CNPPD1: variants seen among roughly 807,000 people sequenced by gnomAD.
CNPPD1 encodes protein CNPPD1.
CNPPD1 carries 40 observed loss-of-function variants against 43.7 expected under a neutral mutation model. That is an observed-to-expected ratio of 0.92 (90% CI 0.71 to 1.19). The LOEUF (loss-of-function observed/expected upper bound fraction) is 1.19. Among genes scored for constraint, CNPPD1 ranks in the 50% most tolerant of loss-of-function variants. CNPPD1 has a pLI of 0.00. For missense variants in CNPPD1, 511 were observed against 518.5 expected, an observed-to-expected ratio of 0.99 and a Z score of 0.14; for synonymous variants, 208 against 214.3, an observed-to-expected ratio of 0.97 and a Z score of 0.26.
At chr2:219,176,521 AC>A (rs1950164834) in intron 1 of CNPPD1, 190 bp from the exon 2 acceptor site, 2 of 623,002 alleles carry the variant, frequency 3.2e-6, no homozygotes, top group Non-Finnish European at 5.6e-6. Context: ...GAATGCCCCC[AC>A]CCCCATCGAG....
At position 219,172,291 on chromosome 2, in the gene CNPPD1, T is replaced by C. The variant is rs959207029; in HGVS notation, c.*295A>G. On this transcript the variant is annotated 3_prime_UTR_variant, in exon 8 of 8. Transcript: ENST00000360507. The stretch of plus-strand genomic sequence containing the variant: ...ATCCTAGGGAAATCAAAAGTAAAAG[T>C]CTAAAAAATCCCAGGGAGGCAGAGA... The C allele has an allele frequency of 3.0e-5, 14 of 466,596 alleles. No individual in the cohort carries two copies. Among genetic ancestry groups the C allele is most frequent in the Non-Finnish European group, 4.7e-5 (12 of 257,828 alleles). 28.9% of individuals were successfully genotyped at this position (466,596 alleles called of 1,614,324 possible). A position where few individuals can be genotyped will look rare whatever the true frequency, so the allele number is the denominator to read the frequency against.
At chr2:219,176,712 G>A (rs774430770) in intron 1 of CNPPD1, 48 bp downstream of exon 1, 1 of 1,337,254 alleles carries the variant, frequency 7.5e-7, no homozygotes, top group Non-Finnish European at 1.0e-6. Flanking sequence ...CGCTCAGGCC[G>A]GGAGGGGCGC....
rs778519106 is a variant in CNPPD1 at position 219,172,710 on chromosome 2, G to C, written c.1109C>G (p.Thr370Ser). Residue 370 changes from threonine to serine, a missense_variant, in exon 8 of 8, where the codon ACC becomes AGC. By Grantham distance (58) the Thr-to-Ser change is moderately conservative (BLOSUM62 1). Coordinates refer to ENST00000360507, the MANE Select transcript of CNPPD1 (RefSeq NM_015680.6). ...PTALSSPWYH[T>S]YGLAPPWPWS... is the part of the protein sequence containing the mutation. ...AGGCCAGGGGGGAGCCAGGCCATAG[G>C]TATGGTACCAGGGGCTGGACAGCGC... The C allele has an allele frequency of 6.2e-7, 1 of 1,613,988 alleles. No individual in the cohort carries two copies. Among genetic ancestry groups the C allele is most frequent in the East Asian group, 2.2e-5 (1 of 44,890 alleles).
chr2:219,172,415 T>C lies in CNPPD1; in HGVS notation c.*171A>G. 2 of 724,086 alleles carry C rather than the reference T, an allele frequency of 2.8e-6. No individual in the cohort carries two copies. The highest frequency in any genetic ancestry group is 4.7e-6 in the Non-Finnish European group (2 of 423,988). The allele number at this position is 724,086 out of a possible 1,614,324, so 44.9% of individuals were successfully genotyped here. A position where few individuals can be genotyped will look rare whatever the true frequency, so the allele number is the denominator to read the frequency against. On this transcript the variant is annotated 3_prime_UTR_variant, in exon 8 of 8. Transcript: ENST00000360507. Reference sequence around the variant, plus strand: ...GGCCAAGCAGCCAGCCACTGCGATCTAGGAGTGAATTACCTTCAGTCCTTC... The same window carrying C: ...GGCCAAGCAGCCAGCCACTGCGATCCAGGAGTGAATTACCTTCAGTCCTTC...
rs1950077096 is a variant in CNPPD1 at position 219,171,912 on chromosome 2, T to TAA, written c.*673_*674insTT. 1 of 152,578 alleles carries TAA rather than the reference T, an allele frequency of 6.6e-6. No homozygotes were observed. Among genetic ancestry groups the TAA allele is most frequent in the Non-Finnish European group, 1.5e-5 (1 of 68,126 alleles). 9.5% of individuals were successfully genotyped at this position (152,578 alleles called of 1,614,324 possible). ...GTCCAGGCCATGCAACTGAAACTGT[T>TAA]TATTGAAACCTCAGTTCTACAAAAG... is the stretch of plus-strand genomic sequence containing the variant. On this transcript the variant is annotated 3_prime_UTR_variant, in exon 8 of 8. Coordinates refer to ENST00000360507, the MANE Select transcript of CNPPD1 (RefSeq NM_015680.6).
At chr2:219,173,540 C>A in intron 6 of CNPPD1, 73 bp from the exon 7 acceptor site, 1 of 1,262,550 alleles carries the variant, frequency 7.9e-7, no homozygotes, top group South Asian at 1.3e-5. Flanking sequence ...TCATACCACT[C>A]AGGACCCACC....
rs1950106923 is a variant in CNPPD1 at position 219,173,375 on chromosome 2, C to G, written c.665G>C (p.Gly222Ala). ...LEQPTWQLAL[G>A]SLCQRLVKLS... ...CTTTACCAGCCGCTGGCAGAGGGAGCCCAGGGCCAACTGCCAGGTCGGCTG... is the reference window on the plus strand; with the variant it reads ...CTTTACCAGCCGCTGGCAGAGGGAGGCCAGGGCCAACTGCCAGGTCGGCTG... Residue 222 changes from glycine (G) to alanine (A), a missense_variant, in exon 7 of 8, where the codon GGC (glycine) becomes GCC (alanine). Physicochemically the swap from Gly to Ala is moderately conservative, Grantham distance 60. Transcript: ENST00000360507. 6.2e-7 allele frequency: 1 copy of G among 1,613,418 alleles called. No homozygotes were observed.
chr2:219,172,502 G>A lies in CNPPD1; in HGVS notation c.*84C>T. 2.1e-6 allele frequency: 3 copies of A among 1,457,194 alleles called. No individual in the cohort carries two copies. Among genetic ancestry groups the A allele is most frequent in the Admixed American group, 1.7e-5 (1 of 59,174 alleles). The allele number at this position is 1,457,194 out of a possible 1,614,324, so 90.3% of individuals were successfully genotyped here. On this transcript the variant is annotated 3_prime_UTR_variant, in exon 8 of 8. Transcript: ENST00000360507. ...AGGGGACCTGCCAAGGACCCAGCGAGGCAGACAGGATCTGAATCAAGCTTT... is the reference window on the plus strand; with the variant it reads ...AGGGGACCTGCCAAGGACCCAGCGAAGCAGACAGGATCTGAATCAAGCTTT...
At chr2:219,176,447 G>T (rs771817098) in intron 1 of CNPPD1, 116 bp from the exon 2 acceptor site, 1 of 795,354 alleles carries the variant, frequency 1.3e-6, no homozygotes, top group African/African-American at 1.7e-5. Context: ...TAGGGGGCCC[G>T]TGCCTTACCC....
At chr2:219,175,784 AG>A in intron 2 of CNPPD1, 112 bp from the exon 3 acceptor site, 1 of 857,372 alleles carries the variant, frequency 1.2e-6, no homozygotes. Context: ...CCTTGGGGAC[AG>A]GACCATAGTA....
At chr2:219,176,977 C>T (rs1950181150), upstream of CNPPD1, 2 of 628,244 alleles carry the variant, frequency 3.2e-6, no homozygotes, top group South Asian at 4.3e-5. Context: ...AGCTCCCTCC[C>T]CCCGGCGGCG....
rs1286224063 is a variant in CNPPD1 at position 219,174,782 on chromosome 2, G to A, written c.506C>T (p.Ala169Val). Residue 169 changes from alanine (A) to valine (V), a missense_variant, in exon 5 of 8, where the codon GCC becomes GTC. Coordinates refer to ENST00000360507, the MANE Select transcript of CNPPD1 (RefSeq NM_015680.6). ...LNALERGFLS[A>V]MDWHLYTDPR... ...AGAGAGAGAACAGCTGCTCACCATG[G>A]CACTCAGGAAGCCCCTCTCCAAGGC... The A allele has an allele frequency of 1.3e-6, 2 of 1,598,262 alleles. No homozygotes were observed. Among genetic ancestry groups the A allele is most frequent in the East Asian group, 2.2e-5 (1 of 44,686 alleles).
intron 1 of CNPPD1, 22 bp from the exon 2 acceptor site, chr2:219,176,353 G>A (rs777280870): frequency 3.2e-6 from 5 of 1,539,076 alleles, no homozygotes; most frequent in African/African-American, 2.7e-5. Context: ...CAGGGGCAGC[G>A]GAGGGTGAAG....
upstream of CNPPD1, chr2:219,176,995 G>A (rs1453751584): frequency 3.4e-6 from 2 of 593,614 alleles, no homozygotes; most frequent in Non-Finnish European, 5.8e-6. Flanking sequence ...GCGGAAGGCG[G>A]GGCCCGGGCT....
rs770379185 is a variant in CNPPD1, at chr2:219,173,441, C to T, written c.599G>A (p.Arg200Gln). 8.7e-6 allele frequency: 14 copies of T among 1,613,794 alleles called. No homozygotes were observed. Among genetic ancestry groups the T allele is most frequent in the Admixed American group, 1.7e-5 (1 of 60,008 alleles). The change falls in exon 7 of 8, where the codon CGA becomes CAA. Residue 200 changes from arginine (R) to glutamine (Q), a missense_variant. Transcript: ENST00000360507. The part of the protein sequence containing the change: ...SCVAEQQGRW[R>Q]GWYTYTDLCV... ...CAGGTCTGTGTAGGTGTACCAGCCT[C>T]GCCACCGTCCCTGCTGCTCAGCCAC...
upstream of CNPPD1, chr2:219,176,974 T>C: frequency 4.8e-6 from 3 of 620,402 alleles, no homozygotes; most frequent in Non-Finnish European, 8.1e-6. Context: ...CGCAGCTCCC[T>C]CCCCCCGGCG....
intron 2 of CNPPD1, 129 bp downstream of exon 2, chr2:219,176,094 G>T: frequency 1.5e-6 from 1 of 687,178 alleles, no homozygotes; most frequent in South Asian, 1.8e-5. Context: ...CTGCCCTCTT[G>T]AACCAAGTAC....
At chr2:219,174,743 A>G (rs747153200) in intron 5 of CNPPD1, 35 bp downstream of exon 5, 1 of 1,545,844 alleles carries the variant, frequency 6.5e-7, no homozygotes, top group East Asian at 2.3e-5. Flanking sequence ...AAGATGGGCC[A>G]GGGAAACTGA....
chr2:219,176,449 G>T, intron 1 of CNPPD1, 118 bp from the exon 2 acceptor site: 2 of 764,750 alleles, frequency 2.6e-6, no homozygotes, highest in Non-Finnish European at 4.3e-6. Context: ...GGGGGCCCGT[G>T]CCTTACCCAG....
Sources: gnomAD v4.1 joint callset for allele counts on GRCh38, gnomAD v4.1.1 for gene constraint, MANE v1.5 for transcripts, NCBI Gene and HGNC (gene_info 2026-07-23, HGNC 2026-07-21) for gene names.